The following ADAM22 variants were observed in gnomAD, a reference collection of about 807,000 sequenced individuals.
ADAM22 encodes disintegrin and metalloproteinase domain-containing protein 22.
ADAM22 carries 65 observed loss-of-function variants against 144.6 expected under a neutral mutation model. That is an observed-to-expected ratio of 0.45 (90% CI 0.37 to 0.55). The LOEUF (loss-of-function observed/expected upper bound fraction) is 0.55. Among genes scored for constraint, ADAM22 ranks in the 20% least tolerant of loss-of-function variants. ADAM22 has a pLI of 0.00. For synonymous variants in ADAM22, 391 were observed against 412.6 expected, an observed-to-expected ratio of 0.95 and a Z score of 0.63; for missense variants, 974 against 1,184.9, an observed-to-expected ratio of 0.82 and a Z score of 2.61.
At chr7:87,966,995 C>G (rs752558254) in intron 2 of ADAM22, among the ~76,000 whole-genome samples, 7 of 151,860 alleles carry the variant, frequency 4.6e-5, no homozygotes, top group Non-Finnish European at 1.0e-4. Flanking sequence ...CCATGCTATT[C>G]TCATGATAGT....
chr7:88,106,340 C>G (rs944941245), intron 4 of ADAM22, among the ~76,000 whole-genome samples: 1 of 152,198 alleles, frequency 6.6e-6, no homozygotes, highest in Non-Finnish European at 1.5e-5. Context: ...TCTCCACCCC[C>G]TCCCCAAAGC....
intron 2 of ADAM22, among the ~76,000 whole-genome samples, chr7:87,948,281 A>G (rs184996838): frequency 1.1e-3 from 166 of 152,298 alleles, no homozygotes; most frequent in Non-Finnish European, 2.1e-3. Flanking sequence ...CCTGTAGCAC[A>G]TTGCTGGACT....
At chr7:88,031,200 T>C (rs1800190962) in intron 3 of ADAM22, among the ~76,000 whole-genome samples, 1 of 152,206 alleles carries the variant, frequency 6.6e-6, no homozygotes, top group African/African-American at 2.4e-5. Flanking sequence ...AATGTGAGAA[T>C]GGACTAATAC....
intron 2 of ADAM22, among the ~76,000 whole-genome samples, chr7:87,950,064 C>T (rs1844666120): frequency 6.6e-6 from 1 of 151,958 alleles, no homozygotes; most frequent in Non-Finnish European, 1.5e-5. Flanking sequence ...AGAACAGGCA[C>T]ATTAGTATAA....
At chr7:88,142,694 T>C (rs370240097) in intron 14 of ADAM22, among the ~76,000 whole-genome samples, 69 of 151,908 alleles carry the variant, frequency 4.5e-4, no homozygotes, top group East Asian at 2.1e-3. Flanking sequence ...AAAAATTAGC[T>C]GGGCATGGTG....
Position 88,025,992 on chromosome 7 carries a change from G to T in ADAM22, c.323+47580G>T, listed in dbSNP as rs75482561. On this transcript the variant is annotated intron_variant, in intron 3 of 31. Transcript: ENST00000413139. ...TTTTAACAATATCTTTTCATTTTTT[G>T]TGTGTGTGTCCTCTTCAATTTCTTT... 5.2e-3 allele frequency among the ~76,000 whole-genome samples: 788 copies of T among 151,910 alleles called. 12 individuals carry two copies. The highest frequency in any genetic ancestry group is 0.042 in the East Asian group (216 of 5,158).
intron 1 of ADAM22, 140 bp from the exon 2 acceptor site, chr7:87,934,886 C>T (rs750517248): frequency 2.1e-5 from 25 of 1,213,612 alleles, no homozygotes; most frequent in Non-Finnish European, 2.6e-5. Context: ...CTGCGTCCTT[C>T]CCAGTTGGGT....
chr7:88,185,010 T>A (rs1452021771), intron 29 of ADAM22, among the ~76,000 whole-genome samples: 1 of 152,238 alleles, frequency 6.6e-6, no homozygotes, highest in Non-Finnish European at 1.5e-5. Flanking sequence ...ATGTTTCACC[T>A]GATTATAGCT....
chr7:88,024,509 G>C (rs1347538641), intron 3 of ADAM22, among the ~76,000 whole-genome samples: 1 of 151,802 alleles, frequency 6.6e-6, no homozygotes, highest in Non-Finnish European at 1.5e-5. Context: ...TGTATATTCA[G>C]ATATTTTTGC....
intron 3 of ADAM22, among the ~76,000 whole-genome samples, chr7:88,015,456 C>A (rs190105240): frequency 6.6e-6 from 1 of 152,148 alleles, no homozygotes. Context: ...CATTTGGAAT[C>A]AATCATCACA....
intron 2 of ADAM22, among the ~76,000 whole-genome samples, chr7:87,946,602 G>A (rs1843721782): frequency 6.6e-6 from 1 of 152,202 alleles, no homozygotes; most frequent in African/African-American, 2.4e-5. Flanking sequence ...GTTTATTGAA[G>A]AGGGAGTTCT....
At chr7:88,104,709 A>G (rs1823886712) in intron 4 of ADAM22, among the ~76,000 whole-genome samples, 1 of 152,114 alleles carries the variant, frequency 6.6e-6, no homozygotes, top group Non-Finnish European at 1.5e-5. Context: ...ATATTACAGC[A>G]CAAAAATGAA....
At chr7:87,959,425 G>A (rs556438954) in intron 2 of ADAM22, among the ~76,000 whole-genome samples, 6 of 151,964 alleles carry the variant, frequency 3.9e-5, no homozygotes, top group South Asian at 4.2e-4. Flanking sequence ...ACTGATACTC[G>A]GTGTCATATA....
intron 3 of ADAM22, among the ~76,000 whole-genome samples, chr7:88,016,379 G>A (rs2129461983): frequency 6.6e-6 from 1 of 152,244 alleles, no homozygotes; most frequent in South Asian, 2.1e-4. Context: ...TAGAACAATG[G>A]GAAATGTCCC....
intron 5 of ADAM22, among the ~76,000 whole-genome samples, chr7:88,110,589 C>G (rs1018524836): frequency 6.6e-6 from 1 of 151,486 alleles, no homozygotes; most frequent in African/African-American, 2.4e-5. Context: ...AGGCCGGGCA[C>G]GGTGGCTCAC....
rs369900672 is a variant in ADAM22, at chr7:87,935,029, A to G, written c.89A>G (p.Asp30Gly). The change falls in exon 2 of 32, where the codon GAC becomes GGC. Residue 30 changes from aspartate to glycine, a missense_variant. Physicochemically the swap from Asp to Gly is moderately conservative, Grantham distance 94. Transcript: ENST00000413139. ...CTTTCCCGGTTCCTGCCTGGAGGAG[A>G]CGCCTCATTGATGGAGCTAGAGAAG... is the stretch of plus-strand genomic sequence containing the variant. ...CPPARCGQAG[D>G]ASLMELEKRK... 4.5e-5 allele frequency: 73 copies of G among 1,613,864 alleles called. No homozygotes were observed. Among genetic ancestry groups the G allele is most frequent in the Non-Finnish European group, 5.9e-5 (70 of 1,180,006 alleles).
At chr7:88,127,021 A>G (rs1282888442) in intron 8 of ADAM22, among the ~76,000 whole-genome samples, 2 of 151,860 alleles carry the variant, frequency 1.3e-5, no homozygotes, top group Non-Finnish European at 2.9e-5. Flanking sequence ...CATGTGTTCC[A>G]TGAATTACTA....
chr7:87,963,735 A>T (rs1848478906), intron 2 of ADAM22, among the ~76,000 whole-genome samples: 1 of 152,142 alleles, frequency 6.6e-6, no homozygotes, highest in African/African-American at 2.4e-5. Context: ...GGAAGGAATG[A>T]ATGGCTCTCC....
At chr7:87,976,546 T>C (rs762431213) in intron 2 of ADAM22, among the ~76,000 whole-genome samples, 32 of 152,196 alleles carry the variant, frequency 2.1e-4, no homozygotes, top group Non-Finnish European at 4.0e-4. Flanking sequence ...AATAAATTTC[T>C]ATTTAGGCCA....
Sources: allele counts gnomAD v4.1 joint callset (sites outside exome capture counted in the v4.1 genomes callset), GRCh38; gene constraint gnomAD v4.1.1; transcripts MANE v1.5; gene names NCBI Gene and HGNC (gene_info 2026-07-23, HGNC 2026-07-21).